The following SNTB1 variants were observed in gnomAD, a reference collection of about 807,000 sequenced individuals.
The protein encoded by SNTB1 is beta-1-syntrophin.
In SNTB1, 36 loss-of-function variants were observed where a neutral mutation model predicts 48.9. The ratio of observed to expected loss-of-function variants is 0.74; its 90% CI spans 0.56 to 0.97. The LOEUF (loss-of-function observed/expected upper bound fraction) is 0.97. Ranked by LOEUF, SNTB1 falls within the 50% of genes least tolerant of loss-of-function variation. The probability of loss-of-function intolerance (pLI) is 0.00; values close to 1 mark genes in which losing one functional copy is unlikely to be tolerated. For missense variants in SNTB1, 786 were observed against 703.4 expected, an observed-to-expected ratio of 1.12 and a Z score of -1.33; for synonymous variants, 299 against 294.6, an observed-to-expected ratio of 1.01 and a Z score of -0.15.
chr8:120,755,345 G>A (rs765886329), intron 1 of SNTB1, among the ~76,000 whole-genome samples: 11 of 152,054 alleles, frequency 7.2e-5, no homozygotes, highest in African/African-American at 1.4e-4. Context: ...ACAATAAATG[G>A]TAAGGGCCAA....
In SNTB1 at chr8:120,767,949, C is replaced by CA. The variant is rs1160053798; in HGVS notation, c.571+43323dup. 1.3e-5 allele frequency among the ~76,000 whole-genome samples: 2 copies of CA among 152,172 alleles called. 1 individual carries two copies. Among genetic ancestry groups the CA allele is most frequent in the Non-Finnish European group, 2.9e-5 (2 of 68,032 alleles). ...GGAGATGCCACTTCTTTACTTCCCT[C>CA]AAAAGTCCTGCAGGGATTATCCAGG... is the stretch of plus-strand genomic sequence containing the variant. On this transcript the variant is annotated intron_variant, in intron 1 of 6. Coordinates refer to ENST00000517992, the MANE Select transcript of SNTB1 (RefSeq NM_021021.4).
chr8:120,539,894 TC>T (rs1463894929), intron 6 of SNTB1, among the ~76,000 whole-genome samples: 1 of 152,206 alleles, frequency 6.6e-6, no homozygotes, highest in Non-Finnish European at 1.5e-5. Context: ...TGTTATTATC[TC>T]CATTTTTTTG....
rs138829405 is a variant in SNTB1, at chr8:120,626,222, T to G, written c.996+6222A>C. On this transcript the variant is annotated intron_variant, in intron 3 of 6. Transcript: ENST00000517992. ...ATAGACTATAGTATGTATATATATA[T>G]AGAGAGAGAGAGATCAATATAGTCA... Among the ~76,000 whole-genome samples, 1,002 of 150,624 alleles carry G rather than the reference T, an allele frequency of 6.7e-3. 13 individuals are homozygous for G. Among genetic ancestry groups the G allele is most frequent in the African/African-American group, 0.022 (920 of 41,306 alleles).
At chr8:120,809,381 T>C (rs1303274521) in intron 1 of SNTB1, among the ~76,000 whole-genome samples, 1 of 152,216 alleles carries the variant, frequency 6.6e-6, no homozygotes, top group Non-Finnish European at 1.5e-5. Flanking sequence ...AATGTCATAT[T>C]AGAGGTTTTT....
intron 1 of SNTB1, among the ~76,000 whole-genome samples, chr8:120,751,453 C>T (rs781752210): frequency 6.0e-5 from 9 of 150,872 alleles, no homozygotes; most frequent in African/African-American, 1.7e-4. Flanking sequence ...AATAGCCATA[C>T]GAATTAAATC....
chr8:120,679,134 CCT>C (rs1459198546), intron 2 of SNTB1, among the ~76,000 whole-genome samples: 1 of 152,210 alleles, frequency 6.6e-6, no homozygotes. Flanking sequence ...ACAGCCCCTT[CCT>C]CTGTCTATAG....
intron 4 of SNTB1, among the ~76,000 whole-genome samples, chr8:120,568,243 G>A (rs1467881840): frequency 2.6e-5 from 4 of 152,190 alleles, no homozygotes; most frequent in African/African-American, 9.7e-5. Context: ...AAGGAGATAA[G>A]AGTTTCTATT....
chr8:120,781,331 G>C (rs1011607062), intron 1 of SNTB1, among the ~76,000 whole-genome samples: 1 of 152,184 alleles, frequency 6.6e-6, no homozygotes, highest in East Asian at 1.9e-4. Flanking sequence ...GGCTGAAGCA[G>C]ACACTGTGCT....
At chr8:120,704,996 G>A (rs1451257921) in intron 1 of SNTB1, among the ~76,000 whole-genome samples, 1 of 152,158 alleles carries the variant, frequency 6.6e-6, no homozygotes, top group African/African-American at 2.4e-5. Flanking sequence ...ATAGAAGTAT[G>A]CCGTTCAGAA....
intron 3 of SNTB1, among the ~76,000 whole-genome samples, chr8:120,631,178 A>G (rs1185623176): frequency 1.3e-5 from 2 of 152,148 alleles, no homozygotes; most frequent in Non-Finnish European, 2.9e-5. Flanking sequence ...GAAAGTGGGG[A>G]GTGATAGAGA....
rs550219359 is a variant in SNTB1, at chr8:120,635,055, G to A, written c.789-2404C>T. Reference sequence around the variant, plus strand: ...TTTTTAGTAGAGACGGGGTTTCTCCGTGTTAGCCAGAAAGTATTCTTTTTA... The same window carrying A: ...TTTTTAGTAGAGACGGGGTTTCTCCATGTTAGCCAGAAAGTATTCTTTTTA... On this transcript the variant is annotated intron_variant, in intron 2 of 6. Transcript: ENST00000517992. 9.2e-5 allele frequency among the ~76,000 whole-genome samples: 14 copies of A among 152,070 alleles called. No homozygotes were observed. In the East Asian group the frequency reaches 1.5e-3, roughly 17 times the overall value.
rs369390494 is a variant in SNTB1, at chr8:120,805,188, A to G, written c.571+6085T>C. On this transcript the variant is annotated intron_variant, in intron 1 of 6. Coordinates refer to ENST00000517992, the MANE Select transcript of SNTB1 (RefSeq NM_021021.4). ...TACCCAGGACATTTCTTACCATTAC[A>G]ACTTCAGCAAACTAGATTTGGTAGG... is the stretch of plus-strand genomic sequence containing the variant. Among the ~76,000 whole-genome samples the G allele has an allele frequency of 6.6e-5, 10 of 151,880 alleles. No homozygotes were observed. In the East Asian group the frequency reaches 1.9e-3, roughly 29 times the overall value.
chr8:120,597,799 A>G (rs1240296851), intron 3 of SNTB1, among the ~76,000 whole-genome samples: 2 of 152,258 alleles, frequency 1.3e-5, no homozygotes, highest in Non-Finnish European at 2.9e-5. Context: ...GGCCCCGGCC[A>G]GGGATGAATC....
At chr8:120,605,884 C>G (rs546644514) in intron 3 of SNTB1, among the ~76,000 whole-genome samples, 12 of 152,206 alleles carry the variant, frequency 7.9e-5, no homozygotes, top group Non-Finnish European at 1.5e-4. Context: ...TGCAGCCCTG[C>G]AGGTACAACA....
rs746999114 is a variant in SNTB1, at chr8:120,548,797, T to C, written c.1298A>G (p.His433Arg). The C allele has an allele frequency of 2.5e-6, 4 of 1,614,118 alleles. No individual in the cohort carries two copies. The East Asian group carries it at 8.9e-5, about 36-fold the overall frequency. ...TTCAGCAATGAGTTCAGCAGAATTG[T>C]GGCAACCCTGTACTATGCTCCTTGT... The part of the protein sequence containing the change: ...HWTRSIVQGC[H>R]NSAELIAEIS... Residue 433 changes from histidine to arginine, a missense_variant, in exon 5 of 7, where the codon CAC becomes CGC. His to Arg is a conservative substitution (Grantham distance 29). Transcript: ENST00000517992.
At chr8:120,591,306 C>G (rs146746080) in intron 3 of SNTB1, among the ~76,000 whole-genome samples, 43 of 152,284 alleles carry the variant, frequency 2.8e-4, no homozygotes, top group African/African-American at 9.9e-4. Context: ...ATTTACCAAG[C>G]TCTGTGAGAT....
intron 1 of SNTB1, among the ~76,000 whole-genome samples, chr8:120,751,230 C>G (rs1308573952): frequency 6.6e-6 from 1 of 152,074 alleles, no homozygotes; most frequent in Non-Finnish European, 1.5e-5. Flanking sequence ...AAAAGACAAA[C>G]TGAATTTTGA....
intron 1 of SNTB1, among the ~76,000 whole-genome samples, chr8:120,755,987 C>T (rs1819311915): frequency 6.6e-6 from 1 of 152,174 alleles, no homozygotes; most frequent in Non-Finnish European, 1.5e-5. Context: ...GTCAATACAG[C>T]TCCAGGGTCT....
At chr8:120,610,524 T>C (rs1001955118) in intron 3 of SNTB1, among the ~76,000 whole-genome samples, 3 of 135,046 alleles carry the variant, frequency 2.2e-5, no homozygotes, top group Non-Finnish European at 5.2e-5. Context: ...TGCAGCCCAC[T>C]GAGCAGGACT....
Sources: gnomAD v4.1 joint callset for allele counts (sites outside exome capture counted in the v4.1 genomes callset) on GRCh38, gnomAD v4.1.1 for gene constraint, MANE v1.5 for transcripts, NCBI Gene and HGNC (gene_info 2026-07-23, HGNC 2026-07-21) for gene names.